The following PSD3 variants were observed in gnomAD, a reference collection of about 807,000 sequenced individuals.
The protein encoded by PSD3 is PH and SEC7 domain-containing protein 3.
Under a neutral mutation model 105.5 loss-of-function variants are expected in PSD3, and 49 were observed. That is an observed-to-expected ratio of 0.46 (90% CI 0.37 to 0.59). The LOEUF is 0.59. PSD3 is among the 20% of genes least tolerant of loss of function. The probability of loss-of-function intolerance (pLI) is 0.00; values close to 1 mark genes in which losing one functional copy is unlikely to be tolerated. For missense variants in PSD3, 1,561 were observed against 1,263.8 expected (o/e 1.24, Z -3.57); for synonymous variants, 557 against 457.8 (o/e 1.22, Z -2.77).
At chr8:18,819,289 A>G (rs1254608464) in intron 4 of PSD3, among the ~76,000 whole-genome samples, 1 of 152,166 alleles carries the variant, frequency 6.6e-6, no homozygotes, top group Non-Finnish European at 1.5e-5. Flanking sequence ...CAGAGTCTAA[A>G]GGAGAGGATA....
rs148373787 is a variant in PSD3 at position 18,982,888 on chromosome 8, G to C, written c.21+30675C>G. 3.9e-4 allele frequency among the ~76,000 whole-genome samples: 59 copies of C among 152,294 alleles called. No individual in the cohort carries two copies. The East Asian group carries it at 0.011, about 28-fold the overall frequency. The stretch of plus-strand genomic sequence containing the variant: ...AAATGAGCAATGGCTTCAACTTCAA[G>C]TCACCAGCTGCATTAGCCCCTAACA... On this transcript the variant is annotated intron_variant, in intron 1 of 15. Transcript: ENST00000327040.
chr8:18,991,429 A>G (rs1825801402), intron 1 of PSD3, among the ~76,000 whole-genome samples: 1 of 151,274 alleles, frequency 6.6e-6, no homozygotes, highest in Non-Finnish European at 1.5e-5. Context: ...GAGGTTTCAC[A>G]GTACACCACT....
intron 1 of PSD3, among the ~76,000 whole-genome samples, chr8:19,034,242 A>G (rs1161956954): frequency 1.3e-5 from 2 of 152,180 alleles, no homozygotes; most frequent in Admixed American, 1.3e-4. Context: ...TTCATCAATA[A>G]CATTGTGTTA....
chr8:18,938,266 A>G (rs1822287163), intron 1 of PSD3, among the ~76,000 whole-genome samples: 1 of 152,206 alleles, frequency 6.6e-6, no homozygotes, highest in Admixed American at 6.5e-5. Flanking sequence ...GCAAAAGTGG[A>G]TGAATTAAAA....
chr8:18,813,307 G>C (rs1396959258), intron 4 of PSD3, among the ~76,000 whole-genome samples: 12 of 152,154 alleles, frequency 7.9e-5, no homozygotes, highest in Non-Finnish European at 1.5e-4. Context: ...ACTCGTGGAA[G>C]ACCAGGAGTT....
At chr8:18,551,844 A>C (rs532734506) in intron 15 of PSD3, among the ~76,000 whole-genome samples, 16 of 152,296 alleles carry the variant, frequency 1.1e-4, no homozygotes, top group African/African-American at 3.4e-4. Flanking sequence ...TATTAATTCC[A>C]AGCCCATGTT....
At chr8:18,960,834 C>A (rs11778231) in intron 1 of PSD3, among the ~76,000 whole-genome samples, 28,828 of 151,878 alleles carry the variant, frequency 0.19, 3,013 homozygotes, top group Non-Finnish European at 0.24. Context: ...ATCGGTAATC[C>A]CAGGACTTTA....
chr8:18,714,513 G>A (rs576108876), intron 9 of PSD3, among the ~76,000 whole-genome samples: 1 of 150,598 alleles, frequency 6.6e-6, no homozygotes, highest in Non-Finnish European at 1.5e-5. Flanking sequence ...GTGCAGCCAA[G>A]AAACTTATGA....
At position 18,801,284 on chromosome 8, in the gene PSD3, G is replaced by T. The variant is rs201058269; in HGVS notation, c.2009C>A (p.Thr670Asn). The T allele has an allele frequency of 1.9e-6, 3 of 1,578,488 alleles. No individual in the cohort carries two copies. Among genetic ancestry groups the T allele is most frequent in the East Asian group, 2.2e-5 (1 of 44,450 alleles). The change falls in exon 7 of 16, where the codon ACC becomes AAC. Residue 670 changes from threonine (T) to asparagine (N), a missense_variant. Physicochemically the swap from Thr to Asn is moderately conservative, Grantham distance 65. Coordinates refer to ENST00000327040, the MANE Select transcript of PSD3 (RefSeq NM_015310.4). ...SNRYFYCNPD[T>N]IASQDGVHCL... Reference sequence around the variant, plus strand: ...TATCAGATTACCTTGTGAAGCAATGGTATCTGGGTTACAATAAAAATATCT... The same window carrying T: ...TATCAGATTACCTTGTGAAGCAATGTTATCTGGGTTACAATAAAAATATCT...
At chr8:18,966,188 T>C (rs967148514) in intron 1 of PSD3, among the ~76,000 whole-genome samples, 4 of 152,198 alleles carry the variant, frequency 2.6e-5, no homozygotes, top group African/African-American at 7.2e-5. Flanking sequence ...GATTTCTTAA[T>C]TAAGCAGCTG....
intron 9 of PSD3, among the ~76,000 whole-genome samples, chr8:18,727,285 C>T (rs922918363): frequency 1.4e-5 from 2 of 142,032 alleles, no homozygotes; most frequent in African/African-American, 2.7e-5. Context: ...TGCAGTGAGC[C>T]GAGATCGCAC....
At chr8:18,956,971 T>C (rs1305106375) in intron 1 of PSD3, among the ~76,000 whole-genome samples, 1 of 152,192 alleles carries the variant, frequency 6.6e-6, no homozygotes, top group Non-Finnish European at 1.5e-5. Context: ...AAGAGTTACA[T>C]GCCCCCATCA....
At chr8:18,775,839 A>G (rs1184923284) in intron 8 of PSD3, among the ~76,000 whole-genome samples, 1 of 152,146 alleles carries the variant, frequency 6.6e-6, no homozygotes, top group Non-Finnish European at 1.5e-5. Context: ...TTGATGGGAC[A>G]CCACATCTAA....
Position 18,535,826 on chromosome 8 carries a change from T to C in PSD3, c.3061A>G (p.Ile1021Val), listed in dbSNP as rs562805315. The change falls in exon 16 of 16, where the codon ATC (isoleucine) becomes GTC (valine). Residue 1021 changes from isoleucine (I) to valine (V), a missense_variant. Transcript: ENST00000327040. ...ACGTTACGCTTGACTTTGGCAGTGA[T>C]TGGAGAAGTATCCGGGTTCAGCGAA... Reference protein sequence around the residue: ...SPSLNPDTSPITAKVKRNVSE... With the variant: ...SPSLNPDTSPVTAKVKRNVSE... The C allele has an allele frequency of 1.9e-5, 30 of 1,614,142 alleles. 1 individual carries two copies. The highest frequency in any genetic ancestry group is 9.3e-5 in the African/African-American group (7 of 75,038).
At chr8:18,643,191 G>C (rs1289634819) in intron 10 of PSD3, among the ~76,000 whole-genome samples, 1 of 152,182 alleles carries the variant, frequency 6.6e-6, no homozygotes, top group Non-Finnish European at 1.5e-5. Context: ...GAAGGTGCAA[G>C]GGCAAGAAAG....
chr8:18,817,063 G>T (rs1400353257), intron 4 of PSD3, among the ~76,000 whole-genome samples: 1 of 152,170 alleles, frequency 6.6e-6, no homozygotes, highest in African/African-American at 2.4e-5. Flanking sequence ...TTAAGTGATG[G>T]CCCAGAGGAG....
chr8:19,003,950 C>T (rs1826534271), intron 1 of PSD3, among the ~76,000 whole-genome samples: 1 of 151,932 alleles, frequency 6.6e-6, no homozygotes, highest in South Asian at 2.1e-4. Context: ...GATCAGTTTC[C>T]CAAACATTCC....
intron 11 of PSD3, among the ~76,000 whole-genome samples, chr8:18,627,074 T>C (rs189151438): frequency 9.1e-4 from 138 of 152,208 alleles, no homozygotes; most frequent in Non-Finnish European, 6.2e-4. Flanking sequence ...TCTATGTAAG[T>C]ATATAAAACA....
At chr8:18,683,847 A>G (rs1300310586) in intron 9 of PSD3, 5 of 765,326 alleles carry the variant, frequency 6.5e-6, no homozygotes, top group African/African-American at 1.7e-5. Context: ...CTGCCGCCGG[A>G]TAGAATCCTC....
Sources: allele counts gnomAD v4.1 joint callset (sites outside exome capture counted in the v4.1 genomes callset), GRCh38; gene constraint gnomAD v4.1.1; transcripts MANE v1.5; gene names NCBI Gene and HGNC (gene_info 2026-07-23, HGNC 2026-07-21).